Variants in ZMYM6 observed in about 807,000 individuals in gnomAD.
ZMYM6 encodes zinc finger MYM-type containing 6.
In ZMYM6, 90 loss-of-function variants were observed where a neutral mutation model predicts 134.0. The observed-to-expected ratio is 0.67, with a 90% CI of 0.57 to 0.80. ZMYM6 has a LOEUF of 0.80. Ranked by LOEUF, ZMYM6 falls within the 30% of genes least tolerant of loss-of-function variation. ZMYM6 has a pLI of 0.00. For missense variants in ZMYM6, 1,362 were observed against 1,533.9 expected (o/e 0.89, Z 1.87); for synonymous variants, 481 against 524.1 (o/e 0.92, Z 1.12).
intron 14 of ZMYM6, among the ~76,000 whole-genome samples, chr1:34,994,195 A>G (rs1569744229): frequency 6.6e-6 from 1 of 152,224 alleles, no homozygotes; most frequent in South Asian, 2.1e-4. Flanking sequence ...TTCTGCTCAT[A>G]TGAGCCTTAC....
chr1:35,020,081 A>C (rs1641277977), intron 3 of ZMYM6, among the ~76,000 whole-genome samples: 1 of 152,194 alleles, frequency 6.6e-6, no homozygotes, highest in Non-Finnish European at 1.5e-5. Flanking sequence ...AACGCAAGAA[A>C]TACATTTAAT....
chr1:35,010,834 G>A lies in ZMYM6; in HGVS notation c.1265C>T (p.Thr422Ile). The change falls in exon 9 of 16, where the codon ACC becomes ATC. Residue 422 changes from threonine to isoleucine, a missense_variant. Physicochemically the swap from Thr to Ile is moderately conservative, Grantham distance 89 (BLOSUM62 -1). Coordinates refer to ENST00000357182, the MANE Select transcript of ZMYM6 (RefSeq NM_007167.4). ...ACACTTGAGTTTAACAACTGTATGG[G>A]TTAAAGCAACTTGCTGGGATTGTTC... The part of the protein sequence containing the change: ...LAEQSQQVAL[T>I]HTVVKLKCQH... 6.2e-7 allele frequency: 1 copy of A among 1,613,012 alleles called. No individual in the cohort carries two copies. Among genetic ancestry groups the A allele is most frequent in the South Asian group, 1.1e-5 (1 of 90,898 alleles).
chr1:35,011,177 G>A (rs1641078238), intron 8 of ZMYM6, 141 bp from the exon 9 acceptor site: 2 of 893,024 alleles, frequency 2.2e-6, no homozygotes, highest in African/African-American at 1.7e-5. Flanking sequence ...AGTTTAAATG[G>A]TATATTTCCA....
chr1:34,992,252 G>A lies in ZMYM6; in HGVS notation c.2128C>T (p.His710Tyr). The change falls in exon 15 of 16, where the codon CAC becomes TAC. Residue 710 changes from histidine to tyrosine, a missense_variant. Coordinates refer to ENST00000357182, the MANE Select transcript of ZMYM6 (RefSeq NM_007167.4). ...TACATACCTGTCTGACATTCTTTGT[G>A]CTGTGTATGTGGTTTGCAAGAAGTG... ...KATSCKPHTQ[H>Y]KECQTDLPMP... is the part of the protein sequence containing the mutation. 2 of 1,614,020 alleles carry A rather than the reference G, an allele frequency of 1.2e-6. No individual in the cohort carries two copies. The highest frequency in any genetic ancestry group is 1.7e-6 in the Non-Finnish European group (2 of 1,179,928).
rs1238785809 is a variant in ZMYM6, at chr1:35,012,393, G to A, written c.946+38C>T. ...AAAGCAGTTACGTTTTTCTTCAATAGTTATTAAATCTATAAATTTATCAAA... is the reference window on the plus strand; with the variant it reads ...AAAGCAGTTACGTTTTTCTTCAATAATTATTAAATCTATAAATTTATCAAA... On this transcript the variant is annotated intron_variant, in intron 7 of 15. Coordinates refer to ENST00000357182, the MANE Select transcript of ZMYM6 (RefSeq NM_007167.4). 4 of 1,406,426 alleles carry A rather than the reference G, an allele frequency of 2.8e-6. No homozygotes were observed. The South Asian group carries it at 6.7e-5, about 24-fold the overall frequency. The allele number at this position is 1,406,426 out of a possible 1,614,324, so 87.1% of individuals were successfully genotyped here.
At chr1:35,017,046 T>C (rs1437600460) in intron 4 of ZMYM6, among the ~76,000 whole-genome samples, 1 of 151,934 alleles carries the variant, frequency 6.6e-6, no homozygotes, top group African/African-American at 2.4e-5. Flanking sequence ...AGGTTAAGTA[T>C]TACTGTAACT....
intron 3 of ZMYM6, 31 bp from the exon 4 acceptor site, chr1:35,019,633 A>C (rs1641269092): frequency 6.4e-7 from 1 of 1,551,592 alleles, no homozygotes; most frequent in Admixed American, 2.1e-5. Context: ...AAGTTTTAGT[A>C]TCAATACTAA....
intron 15 of ZMYM6, among the ~76,000 whole-genome samples, chr1:34,990,931 C>A (rs527889328): frequency 1.2e-4 from 19 of 152,212 alleles, no homozygotes; most frequent in South Asian, 2.1e-4. Context: ...ATGGCGCGAT[C>A]TCAGCTCACC....
rs1347400001 is a variant in ZMYM6 at position 35,015,097 on chromosome 1, A to C, written c.494T>G (p.Phe165Cys). ...AGATGACAAGCATGATTGGCTGCAG[A>C]AATCTTTGCTAGGATAGGAATTCTC... ...RFENSYPSKD[F>C]CSQSCLSSYE... is the part of the protein sequence containing the mutation. Residue 165 changes from phenylalanine (F) to cysteine (C), a missense_variant, in exon 5 of 16, where the codon TTC becomes TGC. Coordinates refer to ENST00000357182, the MANE Select transcript of ZMYM6 (RefSeq NM_007167.4). 1 of 1,613,888 alleles carries C rather than the reference A, an allele frequency of 6.2e-7. No homozygotes were observed. The highest frequency in any genetic ancestry group is 8.5e-7 in the Non-Finnish European group (1 of 1,179,972).
chr1:35,022,615 A>G (rs1641330674), intron 2 of ZMYM6, among the ~76,000 whole-genome samples: 1 of 152,212 alleles, frequency 6.6e-6, no homozygotes, highest in South Asian at 2.1e-4. Flanking sequence ...GTGAAAATAT[A>G]AAGTAATTAC....
At position 35,005,198 on chromosome 1, in the gene ZMYM6, T is replaced by C. The variant is rs149206043; in HGVS notation, c.1888A>G (p.Ser630Gly). Residue 630 changes from serine to glycine, a missense_variant, in exon 13 of 16, where the codon AGT (serine) becomes GGT (glycine). This residue lies in a region of ZMYM6 where 824 missense variants were observed against 940.9 expected (regional missense o/e 0.88). Coordinates refer to ENST00000357182, the MANE Select transcript of ZMYM6 (RefSeq NM_007167.4). ...GGTATTTTTGCCAATGACATCACACTGGTTATAACTGGTGTTGTATCTGTC... is the reference window on the plus strand; with the variant it reads ...GGTATTTTTGCCAATGACATCACACCGGTTATAACTGGTGTTGTATCTGTC... ...ARTDTTPVIT[S>G]VMSLAKIPAT... 3 of 1,614,014 alleles carry C rather than the reference T, an allele frequency of 1.9e-6. No individual in the cohort carries two copies. Among genetic ancestry groups the C allele is most frequent in the African/African-American group, 2.7e-5 (2 of 74,922 alleles).
In ZMYM6 at chr1:35,030,210, G is replaced by A. The variant is rs141655803; in HGVS notation, c.93+337C>T. On this transcript the variant is annotated intron_variant, in intron 2 of 15. Transcript: ENST00000357182. ...TTTGGGAGGCCAAGGTGGGTGGATTGCTTGAGCTCAGGAGTTTGAGACCAG... is the reference window on the plus strand; with the variant it reads ...TTTGGGAGGCCAAGGTGGGTGGATTACTTGAGCTCAGGAGTTTGAGACCAG... 5.0e-3 allele frequency: 928 copies of A among 186,716 alleles called. 7 individuals are homozygous for A. Among genetic ancestry groups the A allele is most frequent in the African/African-American group, 0.02 (865 of 42,538 alleles). The allele number at this position is 186,716 out of a possible 1,614,324, so 11.6% of individuals were successfully genotyped here. A position where few individuals can be genotyped will look rare whatever the true frequency, so the allele number is the denominator to read the frequency against.
Position 34,989,375 on chromosome 1 carries a change from A to AT in ZMYM6, c.2147-441dup, listed in dbSNP as rs573201091. ...CAACATGGCGAAACTCCATCTCTAC[A>AT]TTAAAAAAAAAAAAAGAAGAAGAAA... On this transcript the variant is annotated intron_variant, in intron 15 of 15. Transcript: ENST00000357182. 843 of 355,378 alleles carry AT rather than the reference A, an allele frequency of 2.4e-3. 12 individuals are homozygous for AT. The highest frequency in any genetic ancestry group is 0.021 in the African/African-American group (795 of 38,666). The allele number at this position is 355,378 out of a possible 1,614,324, so 22.0% of individuals were successfully genotyped here. A position where few individuals can be genotyped will look rare whatever the true frequency, so the allele number is the denominator to read the frequency against.
chr1:35,010,724 T>A (rs754864591), intron 9 of ZMYM6, 34 bp downstream of exon 9: 1 of 1,539,038 alleles, frequency 6.5e-7, no homozygotes, highest in Admixed American at 2.2e-5. Flanking sequence ...ACTGGATGAG[T>A]TTATATACAA....
At chr1:34,996,051 G>A (rs890721015) in intron 14 of ZMYM6, among the ~76,000 whole-genome samples, 1 of 152,116 alleles carries the variant, frequency 6.6e-6, no homozygotes, top group South Asian at 2.1e-4. Flanking sequence ...ACAATGCTAT[G>A]ATGAGTATAT....
At chr1:35,022,553 C>T (rs991626187) in intron 2 of ZMYM6, among the ~76,000 whole-genome samples, 15 of 151,946 alleles carry the variant, frequency 9.9e-5, no homozygotes, top group Admixed American at 4.6e-4. Context: ...CATGAGCCAC[C>T]GCACCCAGCC....
Position 34,992,276 on chromosome 1 carries a change from T to G in ZMYM6, c.2104A>C (p.Thr702Pro), listed in dbSNP as rs1640688925. The change falls in exon 15 of 16, where the codon ACT becomes CCT. Residue 702 changes from threonine to proline, a missense_variant. By Grantham distance (38) the Thr-to-Pro change is conservative. Around this residue, in one of 3 missense-constraint regions of ZMYM6, gnomAD observed 824 missense variants for 940.9 expected, o/e 0.88. Transcript: ENST00000357182. ...SCKPVTQTKA[T>P]SCKPHTQHKE... ...TGCTGTGTATGTGGTTTGCAAGAAG[T>G]GGCCTTGGTCTGTGTGACGGGTTTG... 6.2e-7 allele frequency: 1 copy of G among 1,614,124 alleles called. No individual in the cohort carries two copies. The highest frequency in any genetic ancestry group is 8.5e-7 in the Non-Finnish European group (1 of 1,179,986).
rs756171019 is a variant in ZMYM6 at position 34,986,180 on chromosome 1, A to G, written c.*924T>C. The G allele has an allele frequency of 6.6e-6, 1 of 152,262 alleles. No individual in the cohort carries two copies. The highest frequency in any genetic ancestry group is 1.5e-5 in the Non-Finnish European group (1 of 68,046). 9.4% of individuals were successfully genotyped at this position (152,262 alleles called of 1,614,324 possible). ...GAAATTCATATTTCAGTGTTCATGA[A>G]TAAGTTTTATTTAAAAACAGCCACA... is the stretch of plus-strand genomic sequence containing the variant. On this transcript the variant is annotated 3_prime_UTR_variant, in exon 16 of 16. Coordinates refer to ENST00000357182, the MANE Select transcript of ZMYM6 (RefSeq NM_007167.4).
intron 11 of ZMYM6, among the ~76,000 whole-genome samples, chr1:35,007,928 C>T (rs1246980050): frequency 6.6e-6 from 1 of 152,028 alleles, no homozygotes; most frequent in Non-Finnish European, 1.5e-5. Flanking sequence ...TAAGCAGCAG[C>T]TTACAGTAGT....
Sources: gnomAD v4.1 joint callset for allele counts (sites outside exome capture counted in the v4.1 genomes callset) on GRCh38, gnomAD v4.1.1 for gene constraint, gnomAD v4.1.1 regional missense constraint, MANE v1.5 for transcripts, NCBI Gene and HGNC (gene_info 2026-07-23, HGNC 2026-07-21) for gene names.